DSCAM: variants seen among roughly 807,000 people sequenced by gnomAD.
DSCAM encodes cell adhesion molecule DSCAM.
DSCAM carries 47 observed loss-of-function variants against 217.7 expected under a neutral mutation model. That is an observed-to-expected ratio of 0.22 (90% CI 0.17 to 0.28). DSCAM has a LOEUF of 0.28. Among genes scored for constraint, DSCAM ranks in the 10% least tolerant of loss-of-function variants. The pLI is 1.00. For missense variants in DSCAM, 2,080 were observed against 2,618.3 expected, an observed-to-expected ratio of 0.79 and a Z score of 4.49; for synonymous variants, 1,056 against 1,015.3, an observed-to-expected ratio of 1.04 and a Z score of -0.76.
chr21:40,845,223 A>C (rs1390275124), intron 1 of DSCAM, among the ~76,000 whole-genome samples: 1 of 152,202 alleles, frequency 6.6e-6, no homozygotes, highest in African/African-American at 2.4e-5. Context: ...AGTTTCAAAC[A>C]CTTTGCTTTA....
At chr21:40,136,772 TC>T (rs1207276272) in intron 18 of DSCAM, among the ~76,000 whole-genome samples, 2 of 152,058 alleles carry the variant, frequency 1.3e-5, no homozygotes, top group African/African-American at 2.4e-5. Flanking sequence ...GCTGTGACCC[TC>T]CGGCAAATAC....
At chr21:40,711,449 C>T (rs1489951812) in intron 1 of DSCAM, among the ~76,000 whole-genome samples, 3 of 152,192 alleles carry the variant, frequency 2.0e-5, no homozygotes, top group African/African-American at 4.8e-5. Flanking sequence ...GTGAGGGTAG[C>T]GGGTGGTCTC....
At chr21:40,688,556 A>G (rs1253984837) in intron 3 of DSCAM, among the ~76,000 whole-genome samples, 4 of 152,232 alleles carry the variant, frequency 2.6e-5, no homozygotes, top group East Asian at 1.9e-4. Context: ...AAAAATCCAC[A>G]TAGACATCAT....
At chr21:40,664,584 G>C (rs1382510733) in intron 3 of DSCAM, among the ~76,000 whole-genome samples, 3 of 152,210 alleles carry the variant, frequency 2.0e-5, no homozygotes, top group Non-Finnish European at 2.9e-5. Flanking sequence ...CGTTTGACCT[G>C]TGAGAGGAAG....
intron 2 of DSCAM, among the ~76,000 whole-genome samples, chr21:40,696,015 T>C (rs6517607): frequency 0.25 from 37,994 of 151,968 alleles, 5,632 homozygotes; most frequent in African/African-American, 0.41. Flanking sequence ...TTGATCTTCA[T>C]TCTACATCCA....
intron 1 of DSCAM, among the ~76,000 whole-genome samples, chr21:40,796,051 T>G (rs977757223): frequency 6.6e-6 from 1 of 152,220 alleles, no homozygotes; most frequent in Non-Finnish European, 1.5e-5. Flanking sequence ...GCTTATTCAA[T>G]CCTCAAAACA....
intron 3 of DSCAM, among the ~76,000 whole-genome samples, chr21:40,431,307 C>T (rs184216548): frequency 1.4e-3 from 220 of 152,328 alleles, no homozygotes; most frequent in African/African-American, 5.2e-3. Context: ...CCTTCCTCCT[C>T]CTCAGCCTAT....
At position 40,285,929 on chromosome 21, in the gene DSCAM, G is replaced by A. The variant is rs77424346; in HGVS notation, c.2183-9659C>T. Among the ~76,000 whole-genome samples, 904 of 152,266 alleles carry A rather than the reference G, an allele frequency of 5.9e-3. 6 individuals carry two copies. The highest frequency in any genetic ancestry group is 0.02 in the African/African-American group (834 of 41,550). ...TAGCCTGGATCAGAGGAGTGCACTG[G>A]GGCAGAGCAGGGGATCACTGCTGCT... On this transcript the variant is annotated intron_variant, in intron 10 of 32. Coordinates refer to ENST00000400454, the MANE Select transcript of DSCAM (RefSeq NM_001389.5).
intron 12 of DSCAM, among the ~76,000 whole-genome samples, chr21:40,188,837 C>T (rs1262274967): frequency 6.7e-6 from 1 of 149,848 alleles, no homozygotes; most frequent in Non-Finnish European, 1.5e-5. Flanking sequence ...TTCATAATAA[C>T]CCTATTCTTA....
chr21:40,838,738 C>T (rs1045144555), intron 1 of DSCAM, among the ~76,000 whole-genome samples: 2 of 152,040 alleles, frequency 1.3e-5, no homozygotes, highest in African/African-American at 4.8e-5. Context: ...ATCAAAATGC[C>T]AATTTCATAG....
rs1569056697 is a variant in DSCAM at position 40,827,482 on chromosome 21, A to AAAAAG, written c.43+19132_43+19136dup. 4.5e-4 allele frequency among the ~76,000 whole-genome samples: 62 copies of AAAAAG among 137,190 alleles called. 2 individuals carry two copies. The highest frequency in any genetic ancestry group is 6.5e-4 in the East Asian group (3 of 4,586). The allele number at this position is 137,190 out of a possible 152,430, so 90.0% of individuals were successfully genotyped here. On this transcript the variant is annotated intron_variant, in intron 1 of 32. Coordinates refer to ENST00000400454, the MANE Select transcript of DSCAM (RefSeq NM_001389.5). ...AGTCCATGTCTCAAAAAAAAAAAAA[A>AAAAAG]AAAAGAAAAGAAAGAAAGAAAATAA...
intron 3 of DSCAM, among the ~76,000 whole-genome samples, chr21:40,663,811 T>C (rs1269145846): frequency 6.6e-6 from 1 of 152,198 alleles, no homozygotes; most frequent in Non-Finnish European, 1.5e-5. Context: ...GACACCTTGA[T>C]GCTTCTGGGC....
At chr21:40,039,828 A>G (rs1019335398) in intron 32 of DSCAM, among the ~76,000 whole-genome samples, 1 of 152,174 alleles carries the variant, frequency 6.6e-6, no homozygotes, top group Non-Finnish European at 1.5e-5. Flanking sequence ...AGAAAAAATA[A>G]AAAGGGAAAG....
At chr21:40,111,898 G>A (rs2089903659) in intron 20 of DSCAM, among the ~76,000 whole-genome samples, 2 of 152,080 alleles carry the variant, frequency 1.3e-5, no homozygotes, top group South Asian at 4.2e-4. Flanking sequence ...CAATACAGGA[G>A]CACTCAGATT....
intron 3 of DSCAM, among the ~76,000 whole-genome samples, chr21:40,510,974 T>C (rs1410901856): frequency 6.6e-6 from 1 of 152,238 alleles, no homozygotes; most frequent in African/African-American, 2.4e-5. Flanking sequence ...AAGAAATTTA[T>C]GTTTGAGAAA....
intron 1 of DSCAM, among the ~76,000 whole-genome samples, chr21:40,777,410 C>A (rs1457062750): frequency 1.3e-5 from 2 of 152,204 alleles, no homozygotes; most frequent in Non-Finnish European, 2.9e-5. Flanking sequence ...AAGTTTCCTT[C>A]CTATCTGCTC....
rs201066520 is a variant in DSCAM at position 40,357,865 on chromosome 21, A to AAC, written c.656-4123_656-4122insGT. On this transcript the variant is annotated intron_variant, in intron 4 of 32. Coordinates refer to ENST00000400454, the MANE Select transcript of DSCAM (RefSeq NM_001389.5). ...ACCCTAAAACTTAAAGTATAATAAA[A>AAC]AAAAACAAAAACAAAAAATGTGAGA... is the stretch of plus-strand genomic sequence containing the variant. 6.7e-3 allele frequency among the ~76,000 whole-genome samples: 1,013 copies of AAC among 152,008 alleles called. 17 individuals are homozygous for AAC. The highest frequency in any genetic ancestry group is 0.023 in the African/African-American group (956 of 41,424).
chr21:40,526,561 T>C (rs1386080718), intron 3 of DSCAM, among the ~76,000 whole-genome samples: 2 of 151,940 alleles, frequency 1.3e-5, no homozygotes, highest in African/African-American at 4.8e-5. Context: ...AGAGATGGCA[T>C]GGTAGGTGAG....
intron 3 of DSCAM, among the ~76,000 whole-genome samples, chr21:40,462,433 C>A (rs758508943): frequency 6.6e-6 from 1 of 152,178 alleles, no homozygotes; most frequent in Non-Finnish European, 1.5e-5. Context: ...GCCTGAGAAC[C>A]GCTGGCTTAA....
Sources: gnomAD v4.1 joint callset for allele counts (sites outside exome capture counted in the v4.1 genomes callset) on GRCh38, gnomAD v4.1.1 for gene constraint, MANE v1.5 for transcripts, NCBI Gene and HGNC (gene_info 2026-07-23, HGNC 2026-07-21) for gene names.